The following EOGT variants were observed in gnomAD, a reference collection of about 807,000 sequenced individuals.
The protein encoded by EOGT is EGF domain-specific O-linked N-acetylglucosamine transferase.
Under a neutral mutation model 70.5 loss-of-function variants are expected in EOGT, and 55 were observed. The observed-to-expected ratio is 0.78, with a 90% CI of 0.63 to 0.98. The LOEUF is 0.98. Among genes scored for constraint, EOGT ranks in the 50% least tolerant of loss-of-function variants. The probability of loss-of-function intolerance (pLI) is 0.00; values close to 1 mark genes in which losing one functional copy is unlikely to be tolerated. For synonymous variants in EOGT, 246 were observed against 217.1 expected (o/e 1.13, Z -1.17); for missense variants, 703 against 641.9 (o/e 1.10, Z -1.03).
intron 11 of EOGT, 106 bp from the exon 12 acceptor site, chr3:68,988,683 T>C: frequency 1.4e-6 from 1 of 711,194 alleles, no homozygotes; most frequent in South Asian, 2.0e-5. Context: ...CATTTTGCAT[T>C]GCTTGAATAG....
chr3:68,999,198 T>C (rs976484019), intron 9 of EOGT, among the ~76,000 whole-genome samples: 3 of 152,174 alleles, frequency 2.0e-5, no homozygotes, highest in African/African-American at 7.2e-5. Context: ...AACCCAAAGA[T>C]AATACATCTT....
chr3:68,979,979 A>G (rs953419323), intron 15 of EOGT, among the ~76,000 whole-genome samples, 192 bp from the exon 16 acceptor site: 3 of 152,258 alleles, frequency 2.0e-5, no homozygotes, highest in African/African-American at 4.8e-5. Context: ...ATAATTTAAC[A>G]TATTTTCTAA....
intron 10 of EOGT, among the ~76,000 whole-genome samples, chr3:68,992,942 T>G (rs1015724393): frequency 3.9e-5 from 6 of 152,234 alleles, no homozygotes; most frequent in African/African-American, 1.4e-4. Flanking sequence ...CAGCCATGGC[T>G]GGAGCGGCTA....
chr3:69,001,835 T>G (rs1301324332), intron 8 of EOGT, 121 bp from the exon 9 acceptor site: 1 of 658,944 alleles, frequency 1.5e-6, no homozygotes. Context: ...GACACTCCTA[T>G]GGACACCTGT....
chr3:69,007,468 A>G (rs1222027306), intron 6 of EOGT, among the ~76,000 whole-genome samples: 2 of 136,944 alleles, frequency 1.5e-5, no homozygotes, highest in African/African-American at 2.7e-5. Context: ...GCCTGGCAAC[A>G]TGGCGAAACC....
chr3:68,992,178 T>G (rs1356289988), intron 10 of EOGT, among the ~76,000 whole-genome samples: 1 of 152,104 alleles, frequency 6.6e-6, no homozygotes, highest in African/African-American at 2.4e-5. Context: ...CCAAAAGTCT[T>G]AACTCATTTC....
At chr3:68,994,973 T>A (rs913607336) in intron 10 of EOGT, among the ~76,000 whole-genome samples, 1 of 152,136 alleles carries the variant, frequency 6.6e-6, no homozygotes, top group African/African-American at 2.4e-5. Context: ...GCCTTGCCCA[T>A]CCCACTGAAG....
rs1228409554 is a variant in EOGT at position 69,007,770 on chromosome 3, A to G, written c.363T>C (p.Phe121=). The part of the protein sequence containing the change: ...AEDIFWKQAD[F]GYARERLEEM... ...CCTCCAGCCTCTCTCTGGCATATCC[A>G]AAGTCAGCTTGTTTCCAAAATATGT... Residue 121 remains phenylalanine (F), a synonymous_variant, in exon 6 of 18, where the codon TTT becomes TTC. Coordinates refer to ENST00000383701, the MANE Select transcript of EOGT (RefSeq NM_001278689.2). 3 of 1,613,286 alleles carry G rather than the reference A, an allele frequency of 1.9e-6. No individual in the cohort carries two copies. In the Admixed American group the frequency reaches 5.0e-5, roughly 27 times the overall value.
At position 68,989,008 on chromosome 3, in the gene EOGT, C is replaced by G. The variant is rs1008223582; in HGVS notation, c.841G>C (p.Gly281Arg). 5 of 1,521,546 alleles carry G rather than the reference C, an allele frequency of 3.3e-6. No homozygotes were observed. The highest frequency in any genetic ancestry group is 1.2e-5 in the South Asian group (1 of 82,800). 94.3% of individuals were successfully genotyped at this position (1,521,546 alleles called of 1,614,324 possible). ...YIVMWDTSSY[G>R]YGDLFSDTWN... ...GTGTCGGAGAATAGGTCACCATATC[C>G]GTAAGAACTCTGAAAGTAGAAACAA... The change falls in exon 11 of 18, where the codon GGA becomes CGA. Residue 281 changes from glycine (G) to arginine (R), a missense_variant. Gly to Arg is a moderately radical substitution (Grantham distance 125). Transcript: ENST00000383701.
At chr3:68,996,166 CA>C (rs1348822422) in intron 10 of EOGT, among the ~76,000 whole-genome samples, 1 of 152,046 alleles carries the variant, frequency 6.6e-6, no homozygotes. Flanking sequence ...AACTGAAATA[CA>C]AGAGGAAAAT....
rs1203127227 is a variant in EOGT, at chr3:69,003,346, C to T, written c.620+1032G>A. Among the ~76,000 whole-genome samples the T allele has an allele frequency of 3.3e-5, 5 of 152,166 alleles. No individual in the cohort carries two copies. The South Asian group carries it at 1.0e-3, about 32-fold the overall frequency. On this transcript the variant is annotated intron_variant, in intron 8 of 17. Transcript: ENST00000383701. Reference sequence around the variant, plus strand: ...GGTTTGGCTGTGTCTCCACCCAGATCTCATCTTGAATTGTAGCTCCCATCA... The same window carrying T: ...GGTTTGGCTGTGTCTCCACCCAGATTTCATCTTGAATTGTAGCTCCCATCA...
chr3:69,002,753 C>G (rs1379446926), intron 8 of EOGT, among the ~76,000 whole-genome samples: 1 of 151,964 alleles, frequency 6.6e-6, no homozygotes, highest in African/African-American at 2.4e-5. Flanking sequence ...CTCCTGAGCT[C>G]AAGCAGTCCT....
At chr3:68,997,763 AG>A (rs1353916627) in intron 10 of EOGT, among the ~76,000 whole-genome samples, 1 of 152,214 alleles carries the variant, frequency 6.6e-6, no homozygotes, top group African/African-American at 2.4e-5. Context: ...AGAAAGAGAA[AG>A]AAACCTTCCC....
chr3:68,984,936 C>T (rs2090760941), intron 14 of EOGT, among the ~76,000 whole-genome samples: 1 of 152,096 alleles, frequency 6.6e-6, no homozygotes, highest in South Asian at 2.1e-4. Context: ...CAGTTTCAGT[C>T]CCTGACTACC....
At chr3:69,009,538 A>G in intron 4 of EOGT, 99 bp downstream of exon 4, 1 of 889,192 alleles carries the variant, frequency 1.1e-6, no homozygotes, top group Admixed American at 2.3e-5. Context: ...ACAACCGAAA[A>G]TTAGAATTCT....
chr3:69,000,094 C>T (rs1451019245), intron 9 of EOGT, among the ~76,000 whole-genome samples: 5 of 152,102 alleles, frequency 3.3e-5, no homozygotes, highest in African/African-American at 1.2e-4. Flanking sequence ...CATGGTGGTG[C>T]ATATGCCTGT....
Position 68,979,614 on chromosome 3 carries a change from T to C in EOGT, c.1334+54A>G, listed in dbSNP as rs528270287. The C allele has an allele frequency of 1.3e-4, 210 of 1,575,264 alleles. 2 individuals are homozygous for C. The South Asian group carries it at 2.2e-3, about 17-fold the overall frequency. On this transcript the variant is annotated intron_variant, in intron 16 of 17. Coordinates refer to ENST00000383701, the MANE Select transcript of EOGT (RefSeq NM_001278689.2). ...GATGCTCAGAATGAAAGCTTTAGCA[T>C]GCATAAAAAGCATTATCAGTTGCTT...
chr3:69,009,928 AACAAC>A (rs1178757200), intron 3 of EOGT, 68 bp from the exon 4 acceptor site: 2 of 591,484 alleles, frequency 3.4e-6, no homozygotes, highest in Non-Finnish European at 5.4e-6. Context: ...CAACAACAAC[AACAAC>A]AAAAAAAAAA....
rs1010103689 is a variant in EOGT at position 68,998,546 on chromosome 3, C to T, written c.728-432G>A. On this transcript the variant is annotated intron_variant, in intron 9 of 17. Transcript: ENST00000383701. The stretch of plus-strand genomic sequence containing the variant: ...CATGTGCCACCATGCCTAGCTTGAT[C>T]AGTTGTTTTTTAAAGTCAATTAAGG... 2.0e-5 allele frequency among the ~76,000 whole-genome samples: 3 copies of T among 152,108 alleles called. No individual in the cohort carries two copies. The East Asian group carries it at 5.8e-4, about 29-fold the overall frequency.
Sources: gnomAD v4.1 joint callset for allele counts (sites outside exome capture counted in the v4.1 genomes callset) on GRCh38, gnomAD v4.1.1 for gene constraint, MANE v1.5 for transcripts, NCBI Gene and HGNC (gene_info 2026-07-23, HGNC 2026-07-21) for gene names.